MCM6: variants seen among roughly 807,000 people sequenced by gnomAD.
MCM6 encodes DNA replication licensing factor MCM6.
In MCM6, 46 loss-of-function variants were observed where a neutral mutation model predicts 94.3. The ratio of observed to expected loss-of-function variants is 0.49; its 90% CI spans 0.39 to 0.62. The LOEUF is 0.62. Among genes scored for constraint, MCM6 ranks in the 20% least tolerant of loss-of-function variants. MCM6 has a pLI of 0.00. For missense variants in MCM6, 865 were observed against 1,017.9 expected, an observed-to-expected ratio of 0.85 and a Z score of 2.04; for synonymous variants, 335 against 351.9, an observed-to-expected ratio of 0.95 and a Z score of 0.54.
intron 16 of MCM6, among the ~76,000 whole-genome samples, chr2:135,841,639 C>T (rs879844585): frequency 6.6e-6 from 1 of 152,180 alleles, no homozygotes; most frequent in Non-Finnish European, 1.5e-5. Context: ...GGGGACTGGA[C>T]ACTTTTTAAA....
intron 10 of MCM6, among the ~76,000 whole-genome samples, chr2:135,857,470 A>G (rs1002899478): frequency 6.6e-6 from 1 of 152,004 alleles, no homozygotes; most frequent in Non-Finnish European, 1.5e-5. Flanking sequence ...TGTCTTTTCA[A>G]TTTACAATTG....
chr2:135,846,248 T>G lies in MCM6; in HGVS notation c.2198A>C (p.Lys733Thr). The G allele has an allele frequency of 6.2e-7, 1 of 1,614,038 alleles. No homozygotes were observed. The highest frequency in any genetic ancestry group is 1.3e-5 in the African/African-American group (1 of 75,058). Residue 733 changes from lysine to threonine, a missense_variant, in exon 15 of 17, where the codon AAG (lysine) becomes ACG (threonine). By Grantham distance (78) the Lys-to-Thr change is moderately conservative (BLOSUM62 -1). Around this residue, in one of 3 missense-constraint regions of MCM6, gnomAD observed 308 missense variants for 324.5 expected, o/e 0.95. Coordinates refer to ENST00000264156, the MANE Select transcript of MCM6 (RefSeq NM_005915.6). ...CAGGTAAGCCTCACCTTCTTCCACCTTTCTGAGGTGAAGCACAATAAGGTT... is the reference window on the plus strand; with the variant it reads ...CAGGTAAGCCTCACCTTCTTCCACCGTTCTGAGGTGAAGCACAATAAGGTT... Reference protein sequence around the residue: ...ISNLIVLHLRKVEEEEDESAL... With the variant: ...ISNLIVLHLRTVEEEEDESAL...
At chr2:135,843,702 C>T (rs1679619205) in intron 16 of MCM6, among the ~76,000 whole-genome samples, 1 of 135,108 alleles carries the variant, frequency 7.4e-6, no homozygotes, top group Admixed American at 8.0e-5. Context: ...TGCACTCCAG[C>T]ATGGGCAACA....
intron 7 of MCM6, among the ~76,000 whole-genome samples, chr2:135,863,438 T>C (rs905874067): frequency 3.3e-5 from 5 of 152,234 alleles, no homozygotes; most frequent in African/African-American, 1.2e-4. Flanking sequence ...CTGGGTGTGG[T>C]GGCTTATGCC....
chr2:135,868,540 C>G, intron 4 of MCM6, 71 bp downstream of exon 4: 1 of 1,469,704 alleles, frequency 6.8e-7, no homozygotes, highest in Non-Finnish European at 9.4e-7. Flanking sequence ...TCTAAATAAG[C>G]TATTGCAAGG....
At chr2:135,866,817 G>A (rs1007500180) in intron 4 of MCM6, 89 bp from the exon 5 acceptor site, 4 of 1,128,676 alleles carry the variant, frequency 3.5e-6, no homozygotes, top group Admixed American at 2.7e-5. Context: ...AAATACGGAC[G>A]TATTCTAAAC....
intron 3 of MCM6, among the ~76,000 whole-genome samples, chr2:135,869,869 A>G (rs1308301051): frequency 6.6e-6 from 1 of 152,186 alleles, no homozygotes; most frequent in African/African-American, 2.4e-5. Flanking sequence ...TTTCTCCAAC[A>G]CTAAACTTTC....
chr2:135,848,112 T>C lies in MCM6; in HGVS notation c.1994A>G (p.Asn665Ser), dbSNP rs780718292. 1.9e-5 allele frequency: 30 copies of C among 1,611,134 alleles called. No individual in the cohort carries two copies. In the East Asian group the frequency reaches 2.9e-4, roughly 16 times the overall value. ...CTGGATCTCTTCCTCTTGATCTAGA[T>C]TGACATCAGGTGTTTCCACACGGAT... Reference protein sequence around the residue: ...SIIRVETPDVNLDQEEEIQME... With the variant: ...SIIRVETPDVSLDQEEEIQME... The change falls in exon 14 of 17, where the codon AAT (asparagine) becomes AGT (serine). Residue 665 changes from asparagine (N) to serine (S), a missense_variant. Asn to Ser is a conservative substitution (Grantham distance 46). Around this residue, in one of 3 missense-constraint regions of MCM6, gnomAD observed 308 missense variants for 324.5 expected, o/e 0.95. Transcript: ENST00000264156.
chr2:135,852,716 A>G, intron 12 of MCM6, 71 bp downstream of exon 12: 2 of 1,120,038 alleles, frequency 1.8e-6, no homozygotes, highest in East Asian at 5.8e-5. Context: ...TAATTTCCAT[A>G]TAACACACTT....
At position 135,876,402 on chromosome 2, in the gene MCM6, C is replaced by G. The variant is rs369970836; in HGVS notation, c.-37G>C. 187 of 1,527,980 alleles carry G rather than the reference C, an allele frequency of 1.2e-4. 2 individuals carry two copies. The South Asian group carries it at 2.0e-3, about 16-fold the overall frequency. 94.7% of individuals were successfully genotyped at this position (1,527,980 alleles called of 1,614,324 possible). On this transcript the variant is annotated 5_prime_UTR_variant, in exon 1 of 17. Transcript: ENST00000264156. ...GCCGAGGATTCGCCTGCGCCACGCT[C>G]GACCGCCACAAGTCGCTTTTTTCCA...
intron 6 of MCM6, 71 bp downstream of exon 6, chr2:135,866,061 C>T (rs774149848): frequency 6.4e-7 from 1 of 1,556,890 alleles, no homozygotes; most frequent in Non-Finnish European, 8.8e-7. Flanking sequence ...ATGACTTTGC[C>T]ATTGCACTCC....
intron 3 of MCM6, 133 bp from the exon 4 acceptor site, chr2:135,868,993 C>G: frequency 1.3e-6 from 1 of 770,838 alleles, no homozygotes; most frequent in Non-Finnish European, 2.1e-6. Flanking sequence ...TCTTTGGACT[C>G]TCCTATAAGA....
At chr2:135,856,637 T>C in intron 11 of MCM6, 91 bp downstream of exon 11, 1 of 1,358,458 alleles carries the variant, frequency 7.4e-7, no homozygotes, top group South Asian at 1.4e-5. Context: ...CTGGTGCACA[T>C]ACATGCACCA....
At chr2:135,865,203 G>T in intron 6 of MCM6, 40 bp from the exon 7 acceptor site, 5 of 1,351,984 alleles carry the variant, frequency 3.7e-6, no homozygotes, top group Non-Finnish European at 4.8e-6. Flanking sequence ...TAGTATAGAA[G>T]CAGTCAAAAG....
chr2:135,841,099 T>A, intron 16 of MCM6, 148 bp from the exon 17 acceptor site: 1 of 636,216 alleles, frequency 1.6e-6, no homozygotes, highest in Non-Finnish European at 2.8e-6. Context: ...GACCACACTT[T>A]AAAAATCACT....
At position 135,852,798 on chromosome 2, in the gene MCM6, A is replaced by C; in HGVS notation, c.1744T>G (p.Phe582Val). The change falls in exon 12 of 17, where the codon TTT becomes GTT. Residue 582 changes from phenylalanine (F) to valine (V), a missense_variant. Physicochemically the swap from Phe to Val is conservative, Grantham distance 50 (BLOSUM62 -1). Transcript: ENST00000264156. ...IRRYLLFARQ[F>V]KPKISKESED... The stretch of plus-strand genomic sequence containing the variant: ...AAAGGGTAGGTTACCTTGGGTTTAA[A>C]CTGTCTTGCAAAGAGAAGATATCTT... The C allele has an allele frequency of 6.3e-7, 1 of 1,591,486 alleles. No individual in the cohort carries two copies. Among genetic ancestry groups the C allele is most frequent in the Non-Finnish European group, 8.5e-7 (1 of 1,170,790 alleles).
rs548277627 is a variant in MCM6, at chr2:135,841,563, G to A, written c.2350-612C>T. On this transcript the variant is annotated intron_variant, in intron 16 of 16. Transcript: ENST00000264156. ...AGCCAAGCCCATAGAAAGGAACTCA[G>A]GAAACTGTGATTTGATCCTAAGAAG... Among the ~76,000 whole-genome samples the A allele has an allele frequency of 1.8e-4, 28 of 152,316 alleles. No homozygotes were observed. The South Asian group carries it at 4.4e-3, about 24-fold the overall frequency.
At chr2:135,864,539 T>A (rs1010651233) in intron 7 of MCM6, among the ~76,000 whole-genome samples, 7 of 152,062 alleles carry the variant, frequency 4.6e-5, no homozygotes, top group Admixed American at 3.3e-4. Flanking sequence ...TAGTCTCGCA[T>A]ATGGAAACAC....
At chr2:135,864,870 T>A in intron 7 of MCM6, 143 bp downstream of exon 7, 2 of 489,376 alleles carry the variant, frequency 4.1e-6, no homozygotes. Context: ...TGAAATCATG[T>A]ACCTGTCCTT....
Sources: allele counts gnomAD v4.1 joint callset (sites outside exome capture counted in the v4.1 genomes callset), GRCh38; gene constraint gnomAD v4.1.1; regional missense constraint gnomAD v4.1.1; transcripts MANE v1.5; gene names NCBI Gene and HGNC (gene_info 2026-07-23, HGNC 2026-07-21).